Variants in CMTM7 observed in about 807,000 individuals in gnomAD.
CMTM7 encodes the protein CKLF like MARVEL transmembrane domain containing 7, also known as CKLF-like MARVEL transmembrane domain-containing protein 7.
Under a neutral mutation model 19.3 loss-of-function variants are expected in CMTM7, and 7 were observed. The observed-to-expected ratio is 0.36, with a 90% CI of 0.21 to 0.68. CMTM7 has a LOEUF of 0.68. Among genes scored for constraint, CMTM7 ranks in the 30% least tolerant of loss-of-function variants. The pLI is 0.60. For synonymous variants in CMTM7, 87 were observed against 99.3 expected (o/e 0.88, Z 0.74); for missense variants, 193 against 232.6 (o/e 0.83, Z 1.11).
chr3:32,453,194 T>C (rs1696862729), intron 4 of CMTM7, among the ~76,000 whole-genome samples: 1 of 152,078 alleles, frequency 6.6e-6, no homozygotes, highest in South Asian at 2.1e-4. Context: ...TAGTACCAGC[T>C]ACTCAGGTGG....
In CMTM7 at chr3:32,449,942, G is replaced by T. The variant is rs887555156; in HGVS notation, c.432+390G>T. On this transcript the variant is annotated intron_variant, in intron 3 of 4. Coordinates refer to ENST00000334983, the MANE Select transcript of CMTM7 (RefSeq NM_138410.4). The surrounding 1 kb of genome is among the most constrained non-coding windows in gnomAD (Gnocchi z 4.5). The stretch of plus-strand genomic sequence containing the variant: ...GGGAAATGTACTGTGATCAATTAGA[G>T]ATACATGCCATGAGCCTGAGCTTTG... Among the ~76,000 whole-genome samples the T allele has an allele frequency of 1.3e-5, 2 of 152,172 alleles. No homozygotes were observed. Among genetic ancestry groups the T allele is most frequent in the African/African-American group, 4.8e-5 (2 of 41,440 alleles).
intron 3 of CMTM7, chr3:32,451,941 C>T: frequency 1.7e-6 from 1 of 577,680 alleles, no homozygotes; most frequent in Non-Finnish European, 2.8e-6. Flanking sequence ...GCTATGAAGC[C>T]AGAATGGAAC....
intron 1 of CMTM7, among the ~76,000 whole-genome samples, chr3:32,439,078 G>A (rs147399370): frequency 6.6e-6 from 1 of 152,320 alleles, no homozygotes; most frequent in African/African-American, 2.4e-5. Flanking sequence ...TGGCCTGGAA[G>A]TAAGACTAAC....
At chr3:32,441,306 G>C (rs547192911) in intron 1 of CMTM7, among the ~76,000 whole-genome samples, 5 of 152,280 alleles carry the variant, frequency 3.3e-5, no homozygotes, top group East Asian at 1.9e-4. Flanking sequence ...TACCTGGCAG[G>C]GTTCTGCATG....
At chr3:32,410,781 G>C (rs2125625018) in intron 1 of CMTM7, among the ~76,000 whole-genome samples, 1 of 152,250 alleles carries the variant, frequency 6.6e-6, no homozygotes, top group Non-Finnish European at 1.5e-5. Context: ...TGAGTTGACA[G>C]GTTTCGACAG....
At chr3:32,411,469 A>G (rs1297488193) in intron 1 of CMTM7, among the ~76,000 whole-genome samples, 1 of 152,284 alleles carries the variant, frequency 6.6e-6, no homozygotes, top group East Asian at 1.9e-4. Flanking sequence ...TACACAAGCT[A>G]TTGTCCTCTA....
chr3:32,437,107 T>C (rs1696609022), intron 1 of CMTM7, among the ~76,000 whole-genome samples: 5 of 152,160 alleles, frequency 3.3e-5, no homozygotes, highest in Admixed American at 3.3e-4. Flanking sequence ...TCTTGTGAAA[T>C]TTAAACCCTC....
At chr3:32,437,583 T>C (rs342736) in intron 1 of CMTM7, among the ~76,000 whole-genome samples, 112,587 of 151,594 alleles carry the variant, frequency 0.74, 41,948 homozygotes, top group Non-Finnish European at 0.76. Flanking sequence ...GGTGACAGAG[T>C]GAGACTCTGT....
intron 1 of CMTM7, among the ~76,000 whole-genome samples, chr3:32,414,177 T>C (rs183996357): frequency 6.6e-6 from 1 of 152,184 alleles, no homozygotes; most frequent in South Asian, 2.1e-4. Context: ...AGTTAACTTT[T>C]TGCATGCAAA....
intron 1 of CMTM7, among the ~76,000 whole-genome samples, chr3:32,438,951 C>CA (rs1409241049): frequency 1.3e-5 from 2 of 152,300 alleles, no homozygotes; most frequent in African/African-American, 4.8e-5. Flanking sequence ...ACCTAGGAAT[C>CA]ACGCTGCATA....
intron 1 of CMTM7, among the ~76,000 whole-genome samples, chr3:32,393,903 G>C (rs1695877453): frequency 1.3e-5 from 2 of 152,272 alleles, no homozygotes; most frequent in South Asian, 4.1e-4. Context: ...TCCTCAGCTA[G>C]CCTCTGGCCT....
intron 1 of CMTM7, among the ~76,000 whole-genome samples, chr3:32,407,273 T>C (rs1363561874): frequency 6.6e-6 from 1 of 152,212 alleles, no homozygotes; most frequent in Non-Finnish European, 1.5e-5. Context: ...GCCAGGCAGC[T>C]GCCTTACAGA....
rs571882402 is a variant in CMTM7, at chr3:32,396,933, A to G, written c.159+4868A>G. ...ACACGTCCTATCTATTTGTTCATTC[A>G]GCAGACATTTATAACTGCCACATTC... On this transcript the variant is annotated intron_variant, in intron 1 of 4. Coordinates refer to ENST00000334983, the MANE Select transcript of CMTM7 (RefSeq NM_138410.4). Among the ~76,000 whole-genome samples the G allele has an allele frequency of 2.0e-5, 3 of 152,374 alleles. No homozygotes were observed. In the East Asian group the frequency reaches 5.8e-4, roughly 29 times the overall value.
intron 1 of CMTM7, among the ~76,000 whole-genome samples, chr3:32,434,611 T>C (rs1188653083): frequency 7.3e-5 from 11 of 151,032 alleles, no homozygotes. Flanking sequence ...CTTTTCTTTT[T>C]TTTTTTTTTT....
chr3:32,432,292 C>G (rs989289236), intron 1 of CMTM7, among the ~76,000 whole-genome samples: 1 of 152,192 alleles, frequency 6.6e-6, no homozygotes, highest in Non-Finnish European at 1.5e-5. Context: ...CTTGCCTCCT[C>G]CCACCACAGG....
intron 1 of CMTM7, among the ~76,000 whole-genome samples, 176 bp downstream of exon 1, chr3:32,392,241 C>T (rs1695847137): frequency 8.2e-6 from 1 of 121,842 alleles, no homozygotes; most frequent in Admixed American, 8.8e-5. Context: ...AAGTTGCTGC[C>T]GCAGCCCCCG....
chr3:32,404,896 C>T (rs1476851034), intron 1 of CMTM7, among the ~76,000 whole-genome samples: 1 of 152,230 alleles, frequency 6.6e-6, no homozygotes, highest in Non-Finnish European at 1.5e-5. Flanking sequence ...TGGGCCTGCC[C>T]TCATCAGGTA....
At chr3:32,421,573 C>T (rs1426443531) in intron 1 of CMTM7, among the ~76,000 whole-genome samples, 1 of 152,188 alleles carries the variant, frequency 6.6e-6, no homozygotes, top group East Asian at 1.9e-4. Context: ...TTCCTCTATT[C>T]CTCACAAATT....
At chr3:32,400,316 G>A (rs548485186) in intron 1 of CMTM7, among the ~76,000 whole-genome samples, 15 of 152,002 alleles carry the variant, frequency 9.9e-5, no homozygotes, top group African/African-American at 3.4e-4. Context: ...CACCTTGCCC[G>A]GCTGGTGGTG....
Sources: gnomAD v4.1 joint callset for allele counts (sites outside exome capture counted in the v4.1 genomes callset) on GRCh38, gnomAD v4.1.1 for gene constraint, Gnocchi (gnomAD v3.1) non-coding constraint, MANE v1.5 for transcripts, NCBI Gene and HGNC (gene_info 2026-07-23, HGNC 2026-07-21) for gene names.